LY75: variants seen among roughly 807,000 people sequenced by gnomAD.
LY75 encodes the protein lymphocyte antigen 75.
Under a neutral mutation model 231.7 loss-of-function variants are expected in LY75, and 185 were observed. That is an observed-to-expected ratio of 0.80 (90% CI 0.71 to 0.90). The LOEUF is 0.90. Ranked by LOEUF, LY75 falls within the 40% of genes least tolerant of loss-of-function variation. LY75 has a pLI of 0.00. For synonymous variants in LY75, 668 were observed against 689.0 expected, an observed-to-expected ratio of 0.97 and a Z score of 0.48; for missense variants, 1,947 against 2,050.2, an observed-to-expected ratio of 0.95 and a Z score of 0.97.
At position 159,819,921 on chromosome 2, in the gene LY75, C is replaced by A; in HGVS notation, c.3959-1G>T. The stretch of plus-strand genomic sequence containing the variant: ...TTATCAAACCACATAAGAGACTTAT[C>A]TAGAGAAGAAACATTTTTTCCTATG... On this transcript the variant is annotated splice_acceptor_variant, in intron 28 of 34. Transcript: ENST00000263636. LOFTEE classifies it high-confidence loss of function. The A allele has an allele frequency of 6.5e-7, 1 of 1,528,380 alleles. No individual in the cohort carries two copies. Among genetic ancestry groups the A allele is most frequent in the Non-Finnish European group, 8.7e-7 (1 of 1,145,956 alleles). 94.7% of individuals were successfully genotyped at this position (1,528,380 alleles called of 1,614,324 possible). A position where few individuals can be genotyped will look rare whatever the true frequency, so the allele number is the denominator to read the frequency against.
chr2:159,863,014 C>T (rs928680422), intron 14 of LY75, among the ~76,000 whole-genome samples: 88 of 142,316 alleles, frequency 6.2e-4, no homozygotes, highest in African/African-American at 2.0e-3. Flanking sequence ...CTATGAGATC[C>T]TTTTTTTTTT....
intron 15 of LY75, 42 bp from the exon 16 acceptor site, chr2:159,858,518 C>A (rs1291337494): frequency 1.3e-6 from 2 of 1,580,540 alleles, no homozygotes; most frequent in East Asian, 4.5e-5. Context: ...GAAGTTGATA[C>A]ATCCCTTATG....
intron 29 of LY75, among the ~76,000 whole-genome samples, chr2:159,818,282 A>T (rs1399592870): frequency 6.6e-6 from 1 of 152,182 alleles, no homozygotes; most frequent in Non-Finnish European, 1.5e-5. Context: ...CCTAACAAAC[A>T]CTACCTTGGG....
chr2:159,881,391 G>C, intron 7 of LY75, 151 bp from the exon 8 acceptor site: 1 of 973,044 alleles, frequency 1.0e-6, no homozygotes, highest in South Asian at 2.3e-5. Flanking sequence ...ACGACAGGCA[G>C]GTTGGGTAAT....
Position 159,815,423 on chromosome 2 carries a change from A to C in LY75, c.4531T>G (p.Cys1511Gly). Reference sequence around the variant, plus strand: ...GTCTTACATTTTGTAGGTTTATAACAAATAGCACCATCCTTAACAGAGTTG... The same window carrying C: ...GTCTTACATTTTGTAGGTTTATAACCAATAGCACCATCCTTAACAGAGTTG... ...KCNSVKDGAICYKPTKSKKLS... is the reference protein window; with the variant it reads ...KCNSVKDGAIGYKPTKSKKLS... The change falls in exon 31 of 35, where the codon TGT becomes GGT. Residue 1511 changes from cysteine to glycine, a missense_variant. Physicochemically the swap from Cys to Gly is radical, Grantham distance 159 (BLOSUM62 -3). Coordinates refer to ENST00000263636, the MANE Select transcript of LY75 (RefSeq NM_002349.4). 6.2e-7 allele frequency: 1 copy of C among 1,605,036 alleles called. No individual in the cohort carries two copies. The highest frequency in any genetic ancestry group is 1.1e-5 in the South Asian group (1 of 89,518).
At chr2:159,853,143 C>G in intron 20 of LY75, 130 bp downstream of exon 20, 1 of 928,322 alleles carries the variant, frequency 1.1e-6, no homozygotes, top group Non-Finnish European at 1.6e-6. Flanking sequence ...GCTATTGTTG[C>G]TAATAATAAA....
intron 16 of LY75, among the ~76,000 whole-genome samples, chr2:159,856,858 A>G (rs1344319768): frequency 1.3e-5 from 2 of 152,038 alleles, no homozygotes; most frequent in Non-Finnish European, 2.9e-5. Flanking sequence ...CTAATTTGCC[A>G]TTTCTAAGGT....
chr2:159,871,453 T>A (rs1443087950), intron 13 of LY75, among the ~76,000 whole-genome samples: 2 of 152,144 alleles, frequency 1.3e-5, no homozygotes, highest in Admixed American at 1.3e-4. Flanking sequence ...GTTGCTTTAA[T>A]TTTTAAAATT....
intron 31 of LY75, among the ~76,000 whole-genome samples, chr2:159,811,401 G>A (rs1421443456): frequency 2.0e-5 from 3 of 151,780 alleles, no homozygotes; most frequent in Non-Finnish European, 4.4e-5. Context: ...GAAGCAGCCT[G>A]AGGAATGCAG....
At chr2:159,854,253 A>T in intron 18 of LY75, 107 bp downstream of exon 18, 1 of 868,932 alleles carries the variant, frequency 1.2e-6, no homozygotes, top group Non-Finnish European at 1.5e-6. Context: ...ATTTTACATT[A>T]AAGAAAAATT....
intron 21 of LY75, among the ~76,000 whole-genome samples, chr2:159,851,539 G>A (rs60200364): frequency 0.14 from 21,909 of 152,078 alleles, 3,431 homozygotes; most frequent in African/African-American, 0.39. Flanking sequence ...ACTTCATGGT[G>A]TTTCCACACA....
intron 23 of LY75, among the ~76,000 whole-genome samples, chr2:159,844,006 A>G (rs556065043): frequency 5.0e-4 from 76 of 152,238 alleles, no homozygotes; most frequent in African/African-American, 1.7e-3. Flanking sequence ...GGGTTCTAAC[A>G]TTTTGTAGGT....
intron 33 of LY75, 135 bp downstream of exon 33, chr2:159,808,314 C>T: frequency 1.4e-6 from 2 of 1,478,978 alleles, no homozygotes; most frequent in Non-Finnish European, 1.8e-6. Flanking sequence ...TCCAGAACAG[C>T]CAGCGACCTA....
chr2:159,807,488 G>T (rs574087951), intron 33 of LY75, among the ~76,000 whole-genome samples: 1 of 152,250 alleles, frequency 6.6e-6, no homozygotes, highest in South Asian at 2.1e-4. Context: ...GATTTCTAAG[G>T]ACCCATATCC....
chr2:159,812,983 A>C (rs1683007912), intron 31 of LY75, among the ~76,000 whole-genome samples: 2 of 152,212 alleles, frequency 1.3e-5, no homozygotes, highest in Non-Finnish European at 2.9e-5. Context: ...TTCACTTAGC[A>C]TACTGTCTTC....
At chr2:159,886,660 GT>G (rs1432831987) in intron 4 of LY75, 130 bp from the exon 5 acceptor site, 13 of 848,482 alleles carry the variant, frequency 1.5e-5, no homozygotes, top group Non-Finnish European at 2.0e-5. Flanking sequence ...GTAGAGGGCT[GT>G]TTATGCATCA....
At position 159,830,059 on chromosome 2, in the gene LY75, T is replaced by C. The variant is rs533951724; in HGVS notation, c.3958+1611A>G. Among the ~76,000 whole-genome samples, 5 of 152,306 alleles carry C rather than the reference T, an allele frequency of 3.3e-5. 1 individual carries two copies. The highest frequency in any genetic ancestry group is 4.1e-4 in the South Asian group (2 of 4,820). On this transcript the variant is annotated intron_variant, in intron 28 of 34. Transcript: ENST00000263636. ...ATTTTAATTCAAGGGTAGTTAAGTG[T>C]CATCAGAGAAAAGGTTTGGGCCAAC...
intron 28 of LY75, among the ~76,000 whole-genome samples, chr2:159,820,892 T>C (rs1019182478): frequency 1.2e-4 from 18 of 152,134 alleles, no homozygotes; most frequent in African/African-American, 4.3e-4. Context: ...CAGGCTGGAG[T>C]GCAGTGGCAC....
At chr2:159,854,988 G>C in intron 16 of LY75, 49 bp from the exon 17 acceptor site, 4 of 1,609,986 alleles carry the variant, frequency 2.5e-6, no homozygotes, top group Non-Finnish European at 3.4e-6. Context: ...GACAGATCAG[G>C]GTATACTATA....
Sources: gnomAD v4.1 joint callset for allele counts (sites outside exome capture counted in the v4.1 genomes callset) on GRCh38, gnomAD v4.1.1 for gene constraint, MANE v1.5 for transcripts, NCBI Gene and HGNC (gene_info 2026-07-23, HGNC 2026-07-21) for gene names.